The following PTPRD variants were observed in gnomAD, a reference collection of about 807,000 sequenced individuals.
PTPRD encodes protein tyrosine phosphatase receptor type D.
Under a neutral mutation model 214.5 loss-of-function variants are expected in PTPRD, and 34 were observed. The ratio of observed to expected loss-of-function variants is 0.16; its 90% confidence interval spans 0.12 to 0.21. The LOEUF is 0.21. Ranked by LOEUF, PTPRD falls within the 10% of genes least tolerant of loss-of-function variation. The pLI is 1.00. For synonymous variants in PTPRD, 1,128 were observed against 845.7 expected (o/e 1.33, Z -5.79); for missense variants, 2,545 against 2,398.7 (o/e 1.06, Z -1.27).
chr9:9,095,193 G>C lies in PTPRD; in HGVS notation c.-142-76458C>G, dbSNP rs771060821. ...CGGAAGATTTTCTTCCTAAAATCAG[G>C]AACAAGGCAAGAGGTCTATTTTCAC... On this transcript the variant is annotated intron_variant, in intron 10 of 45. Coordinates refer to ENST00000381196, the MANE Select transcript of PTPRD (RefSeq NM_002839.4). Among the ~76,000 whole-genome samples the C allele has an allele frequency of 4.3e-4, 65 of 151,808 alleles. 2 individuals are homozygous for C. Among genetic ancestry groups the C allele is most frequent in the Non-Finnish European group, 1.5e-4 (10 of 67,966 alleles).
intron 2 of PTPRD, among the ~76,000 whole-genome samples, chr9:10,416,995 C>G (rs1180167368): frequency 6.6e-6 from 1 of 151,890 alleles, no homozygotes; most frequent in Non-Finnish European, 1.5e-5. Context: ...CAACTTTTAT[C>G]TTCCAGACAA....
At chr9:9,384,947 G>A (rs1300369250) in intron 9 of PTPRD, among the ~76,000 whole-genome samples, 2 of 152,046 alleles carry the variant, frequency 1.3e-5, no homozygotes, top group Non-Finnish European at 2.9e-5. Flanking sequence ...ATAATTGATT[G>A]AGCATATATA....
At chr9:8,983,297 T>C (rs1589283998) in intron 11 of PTPRD, among the ~76,000 whole-genome samples, 2 of 152,004 alleles carry the variant, frequency 1.3e-5, no homozygotes, top group African/African-American at 2.4e-5. Context: ...AATGCTTCAC[T>C]AGAAATTATA....
At chr9:9,400,536 T>C (rs1249895327) in intron 8 of PTPRD, among the ~76,000 whole-genome samples, 1 of 152,080 alleles carries the variant, frequency 6.6e-6, no homozygotes, top group Non-Finnish European at 1.5e-5. Flanking sequence ...AAAAAGTTTT[T>C]TTTCAGTTCA....
intron 5 of PTPRD, among the ~76,000 whole-genome samples, chr9:9,859,133 C>G (rs755819646): frequency 2.0e-5 from 3 of 152,202 alleles, no homozygotes; most frequent in Non-Finnish European, 4.4e-5. Flanking sequence ...CACGCACACT[C>G]TCTCTCTTCT....
intron 10 of PTPRD, among the ~76,000 whole-genome samples, chr9:9,180,525 C>A (rs1456015527): frequency 6.6e-6 from 1 of 151,200 alleles, no homozygotes; most frequent in East Asian, 2.0e-4. Context: ...TGCAGCACAC[C>A]AACATGGCAC....
At chr9:10,474,057 C>T (rs775074665) in intron 2 of PTPRD, among the ~76,000 whole-genome samples, 2 of 152,096 alleles carry the variant, frequency 1.3e-5, no homozygotes, top group Admixed American at 1.3e-4. Context: ...ACCAGTGACA[C>T]TATGAATAAA....
At chr9:9,317,017 T>A (rs1408877955) in intron 9 of PTPRD, among the ~76,000 whole-genome samples, 1 of 152,186 alleles carries the variant, frequency 6.6e-6, no homozygotes, top group Admixed American at 6.5e-5. Context: ...TCAAGGAAAG[T>A]GTCTCAAGTG....
At chr9:8,905,365 T>A (rs995485040) in intron 11 of PTPRD, among the ~76,000 whole-genome samples, 1 of 152,114 alleles carries the variant, frequency 6.6e-6, no homozygotes, top group African/African-American at 2.4e-5. Flanking sequence ...TCTTTCTGTG[T>A]ACATTATGGC....
In PTPRD at chr9:8,661,338, A is replaced by G. The variant is rs765743756; in HGVS notation, c.65-24494T>C. 3.2e-4 allele frequency among the ~76,000 whole-genome samples: 48 copies of G among 152,178 alleles called. No individual in the cohort carries two copies. The Middle Eastern group carries it at 0.01, about 32-fold the overall frequency. On this transcript the variant is annotated intron_variant, in intron 12 of 45. Transcript: ENST00000381196. Reference sequence around the variant, plus strand: ...TCTAAATTGCATTGTCAAGTATTCAAAATCAGTCTCTTATTTCTCATTACC... The same window carrying G: ...TCTAAATTGCATTGTCAAGTATTCAGAATCAGTCTCTTATTTCTCATTACC...
intron 11 of PTPRD, among the ~76,000 whole-genome samples, chr9:8,862,716 C>T (rs982701336): frequency 6.6e-6 from 1 of 152,198 alleles, no homozygotes; most frequent in African/African-American, 2.4e-5. Context: ...TTCAAGGCAG[C>T]ATCTCTTCTT....
intron 7 of PTPRD, among the ~76,000 whole-genome samples, chr9:9,681,987 G>T (rs1184250899): frequency 6.6e-6 from 1 of 151,716 alleles, no homozygotes; most frequent in Non-Finnish European, 1.5e-5. Context: ...ACATCACCTT[G>T]AACTTTCTCA....
intron 2 of PTPRD, among the ~76,000 whole-genome samples, chr9:10,446,275 A>G (rs2098798493): frequency 6.6e-6 from 1 of 152,038 alleles, no homozygotes; most frequent in African/African-American, 2.4e-5. Context: ...GAAGTGCAGG[A>G]AAAAATGGAA....
At chr9:9,567,753 T>G (rs1234342362) in intron 8 of PTPRD, among the ~76,000 whole-genome samples, 1 of 151,924 alleles carries the variant, frequency 6.6e-6, no homozygotes, top group African/African-American at 2.4e-5. Context: ...TGAGCTTCCA[T>G]GGAAGCAGAA....
intron 8 of PTPRD, among the ~76,000 whole-genome samples, chr9:9,445,679 C>A (rs571237724): frequency 6.6e-6 from 1 of 152,184 alleles, no homozygotes; most frequent in South Asian, 2.1e-4. Flanking sequence ...ACGAGAACAG[C>A]GGCATGGGGT....
chr9:9,317,446 T>C (rs1283471048), intron 9 of PTPRD, among the ~76,000 whole-genome samples: 1 of 152,168 alleles, frequency 6.6e-6, no homozygotes, highest in Non-Finnish European at 1.5e-5. Context: ...TGAATGCAAG[T>C]GCCCTAGGCT....
chr9:8,608,591 C>T (rs2095327592), intron 14 of PTPRD, among the ~76,000 whole-genome samples: 1 of 150,022 alleles, frequency 6.7e-6, no homozygotes, highest in African/African-American at 2.4e-5. Flanking sequence ...TGCTCCAGGG[C>T]AGCAGGGAAT....
intron 12 of PTPRD, among the ~76,000 whole-genome samples, chr9:8,669,362 G>A (rs771471101): frequency 6.6e-6 from 1 of 152,078 alleles, no homozygotes; most frequent in Non-Finnish European, 1.5e-5. Context: ...AGAGACTGGC[G>A]CTCACTTCTG....
chr9:9,088,829 T>C (rs73395829), intron 10 of PTPRD, among the ~76,000 whole-genome samples: 1,524 of 152,206 alleles, frequency 0.01, 24 homozygotes, highest in African/African-American at 0.034. Context: ...ACCCTGTCAC[T>C]TCATAGCTAT....
Sources: gnomAD v4.1 joint callset for allele counts (sites outside exome capture counted in the v4.1 genomes callset) on GRCh38, gnomAD v4.1.1 for gene constraint, MANE v1.5 for transcripts, NCBI Gene and HGNC (gene_info 2026-07-23, HGNC 2026-07-21) for gene names.